MAP3K13: variants seen among roughly 807,000 people sequenced by gnomAD.
MAP3K13 encodes leucine zipper-bearing kinase.
MAP3K13 carries 52 observed loss-of-function variants against 104.0 expected under a neutral mutation model. The observed-to-expected ratio is 0.50, with a 90% CI of 0.40 to 0.63. The LOEUF (loss-of-function observed/expected upper bound fraction) is 0.63, where lower values mean the gene tolerates loss of function less well. Ranked by LOEUF, MAP3K13 falls within the 20% of genes least tolerant of loss-of-function variation. The pLI, the probability that MAP3K13 is intolerant of heterozygous loss-of-function variation, is 0.00. For missense variants in MAP3K13, 914 were observed against 1,218.5 expected (o/e 0.75, Z 3.72); for synonymous variants, 394 against 442.2 (o/e 0.89, Z 1.37).
At chr3:185,374,559 G>A (rs985065563) in intron 1 of MAP3K13, among the ~76,000 whole-genome samples, 17 of 152,154 alleles carry the variant, frequency 1.1e-4, no homozygotes, top group African/African-American at 4.1e-4. Context: ...AGAAAAACAG[G>A]TATTAAAGGA....
intron 9 of MAP3K13, 50 bp downstream of exon 9, chr3:185,465,913 A>G: frequency 7.7e-7 from 1 of 1,290,680 alleles, no homozygotes; most frequent in South Asian, 1.2e-5. Context: ...TCTGTCAATC[A>G]GCAGAAACAT....
intron 2 of MAP3K13, among the ~76,000 whole-genome samples, chr3:185,348,295 C>T (rs1452555059): frequency 6.6e-6 from 1 of 152,082 alleles, no homozygotes; most frequent in Admixed American, 6.5e-5. Flanking sequence ...TGAAGATGAC[C>T]ATTTATTATG....
chr3:185,312,317 A>T (rs1721522470), intron 2 of MAP3K13, among the ~76,000 whole-genome samples: 1 of 152,242 alleles, frequency 6.6e-6, no homozygotes, highest in Admixed American at 6.5e-5. Context: ...AAGCTCGGAT[A>T]TCAGTTCCAA....
chr3:185,437,391 T>C, intron 2 of MAP3K13, 56 bp from the exon 3 acceptor site: 1 of 1,509,896 alleles, frequency 6.6e-7, no homozygotes, highest in African/African-American at 1.4e-5. Context: ...AGAATGGCCT[T>C]GTAGAGTGGT....
chr3:185,416,610 GA>G (rs2108791356), intron 1 of MAP3K13, among the ~76,000 whole-genome samples: 1 of 152,128 alleles, frequency 6.6e-6, no homozygotes, highest in Admixed American at 6.6e-5. Context: ...GACTGGACAA[GA>G]AATAACTTTA....
At chr3:185,475,370 C>G (rs1425762749) in intron 11 of MAP3K13, among the ~76,000 whole-genome samples, 5 of 152,154 alleles carry the variant, frequency 3.3e-5, no homozygotes, top group Non-Finnish European at 5.9e-5. Flanking sequence ...ATGGTTTCAT[C>G]TCATCATCAT....
At chr3:185,290,855 A>G (rs1260423373) in intron 2 of MAP3K13, among the ~76,000 whole-genome samples, 1 of 152,198 alleles carries the variant, frequency 6.6e-6, no homozygotes, top group Non-Finnish European at 1.5e-5. Context: ...CAAGCATATA[A>G]GATAAACAGA....
At chr3:185,346,302 TA>T (rs1722920835) in intron 2 of MAP3K13, among the ~76,000 whole-genome samples, 1 of 152,196 alleles carries the variant, frequency 6.6e-6, no homozygotes, top group Admixed American at 6.5e-5. Flanking sequence ...AAATTTATAC[TA>T]AAAGAGAAGA....
intron 1 of MAP3K13, among the ~76,000 whole-genome samples, chr3:185,371,472 C>G (rs1356093594): frequency 6.6e-6 from 1 of 152,216 alleles, no homozygotes; most frequent in Non-Finnish European, 1.5e-5. Flanking sequence ...CAATGTAGAA[C>G]ATCCTGCTGA....
At chr3:185,476,190 G>C (rs950001686) in intron 11 of MAP3K13, among the ~76,000 whole-genome samples, 15 of 151,744 alleles carry the variant, frequency 9.9e-5, no homozygotes, top group Non-Finnish European at 1.3e-4. Flanking sequence ...ACCATCTACG[G>C]GTCTTTAGGC....
intron 10 of MAP3K13, 69 bp downstream of exon 10, chr3:185,467,032 A>T (rs1282035744): frequency 2.6e-6 from 4 of 1,564,966 alleles, no homozygotes; most frequent in Non-Finnish European, 3.5e-6. Context: ...CCATTCTCAC[A>T]TGATGGCGGA....
chr3:185,402,310 A>G (rs1435611919), intron 1 of MAP3K13, among the ~76,000 whole-genome samples: 3 of 152,028 alleles, frequency 2.0e-5, no homozygotes, highest in Non-Finnish European at 2.9e-5. Flanking sequence ...CAATTTATTT[A>G]TTTATTTATT....
At chr3:185,447,690 T>C in intron 4 of MAP3K13, 99 bp from the exon 5 acceptor site, 1 of 878,828 alleles carries the variant, frequency 1.1e-6, no homozygotes, top group Non-Finnish European at 1.8e-6. Flanking sequence ...TGCTACAAGA[T>C]AGGAAGTAGC....
rs1250218084 is a variant in MAP3K13 at position 185,455,522 on chromosome 3, G to GACATATATGAC, written c.1278+4128_1278+4129insCATATATGACA. ...CATGAGATATATATGAGATATATAT[G>GACATATATGAC]ATATATATGAGATATATATGACATA... On this transcript the variant is annotated intron_variant, in intron 7 of 13. Transcript: ENST00000265026. Among the ~76,000 whole-genome samples, 12 of 32,578 alleles carry GACATATATGAC rather than the reference G, an allele frequency of 3.7e-4. 3 individuals carry two copies. The South Asian group carries it at 7.4e-3, about 20-fold the overall frequency. 21.4% of individuals were successfully genotyped at this position (32,578 alleles called of 152,430 possible).
chr3:185,416,928 C>A (rs1311043199), intron 1 of MAP3K13, among the ~76,000 whole-genome samples: 2 of 151,844 alleles, frequency 1.3e-5, no homozygotes, highest in African/African-American at 4.8e-5. Context: ...CAGCTATAAA[C>A]CAAATTCTTT....
intron 2 of MAP3K13, among the ~76,000 whole-genome samples, chr3:185,325,249 C>T (rs962390856): frequency 6.6e-6 from 1 of 152,166 alleles, no homozygotes; most frequent in East Asian, 1.9e-4. Flanking sequence ...GTATGTAGGA[C>T]CCTGTGTTTC....
intron 1 of MAP3K13, among the ~76,000 whole-genome samples, chr3:185,421,796 CTG>C (rs1714148277): frequency 6.6e-6 from 1 of 152,244 alleles, no homozygotes; most frequent in East Asian, 1.9e-4. Flanking sequence ...AGTCTCTTCA[CTG>C]TGCAGTGGCA....
chr3:185,326,665 C>T (rs761131831), intron 2 of MAP3K13, among the ~76,000 whole-genome samples: 7 of 151,722 alleles, frequency 4.6e-5, no homozygotes, highest in Non-Finnish European at 7.4e-5. Flanking sequence ...GGGATAGAAC[C>T]AGGATTCACA....
At chr3:185,480,606 A>C in intron 13 of MAP3K13, 77 bp downstream of exon 13, 1 of 1,432,762 alleles carries the variant, frequency 7.0e-7, no homozygotes, top group Non-Finnish European at 9.4e-7. Flanking sequence ...GGGCCTTTAC[A>C]ATTTTCATTT....
Sources: gnomAD v4.1 joint callset for allele counts (sites outside exome capture counted in the v4.1 genomes callset) on GRCh38, gnomAD v4.1.1 for gene constraint, MANE v1.5 for transcripts, NCBI Gene and HGNC (gene_info 2026-07-23, HGNC 2026-07-21) for gene names.